The following MYH14 variants were observed in gnomAD, a reference collection of about 807,000 sequenced individuals.
MYH14 encodes the protein myosin-14.
In MYH14, 123 loss-of-function variants were observed where a neutral mutation model predicts 255.5. That is an observed-to-expected ratio of 0.48 (90% confidence interval 0.42 to 0.56). MYH14 has a LOEUF of 0.56. MYH14 is among the 20% of genes least tolerant of loss of function. MYH14 has a pLI of 0.00. For missense variants in MYH14, 2,423 were observed against 2,802.3 expected (o/e 0.86, Z 3.06); for synonymous variants, 1,095 against 1,161.2 (o/e 0.94, Z 1.16).
chr19:50,295,725 G>A lies in MYH14; in HGVS notation c.5469+2038G>A, dbSNP rs1029353526. On this transcript the variant is annotated intron_variant, in intron 39 of 42. Coordinates refer to ENST00000642316, the MANE Select transcript of MYH14 (RefSeq NM_001145809.2). The stretch of plus-strand genomic sequence containing the variant: ...AGGATCACCTGAGCCCAGGGAGGTC[G>A]AAGCTGCAGTGAGCCATGATTGCAC... Among the ~76,000 whole-genome samples the A allele has an allele frequency of 3.3e-5, 5 of 151,110 alleles. No individual in the cohort carries two copies. In the South Asian group the frequency reaches 6.3e-4, roughly 19 times the overall value.
At chr19:50,262,537 C>CAA (rs57145637) in intron 21 of MYH14, among the ~76,000 whole-genome samples, 155 of 113,610 alleles carry the variant, frequency 1.4e-3, no homozygotes, top group Non-Finnish European at 2.2e-3. Flanking sequence ...GACTCTGTAT[C>CAA]AAAAAAAAAA....
intron 1 of MYH14, among the ~76,000 whole-genome samples, chr19:50,204,539 C>T (rs2031624670): frequency 6.6e-6 from 1 of 152,182 alleles, no homozygotes; most frequent in Admixed American, 6.5e-5. Context: ...TTTGACCCTT[C>T]CTGCCTCAGT....
chr19:50,272,494 C>G, intron 26 of MYH14, 66 bp from the exon 27 acceptor site: 1 of 1,523,364 alleles, frequency 6.6e-7, no homozygotes, highest in Non-Finnish European at 8.9e-7. Context: ...GACCTGTGGT[C>G]TCTGTGAGAG....
At chr19:50,210,799 G>A in intron 2 of MYH14, 29 bp downstream of exon 2, 8 of 1,534,990 alleles carry the variant, frequency 5.2e-6, no homozygotes, top group Non-Finnish European at 7.0e-6. Flanking sequence ...GGGGGCGCGT[G>A]CGGCGGAGTT....
chr19:50,225,644 C>T lies in MYH14; in HGVS notation c.777C>T (p.Ala259=). 1 of 1,613,922 alleles carries T rather than the reference C, an allele frequency of 6.2e-7. No homozygotes were observed. Among genetic ancestry groups the T allele is most frequent in the South Asian group, 1.1e-5 (1 of 91,040 alleles). The change falls in exon 7 of 43, where the codon GCC becomes GCT. Residue 259 remains alanine, a synonymous_variant. Coordinates refer to ENST00000642316, the MANE Select transcript of MYH14 (RefSeq NM_001145809.2). ...ANPILEAFGN[A]KTVKNDNSSR... is the part of the protein sequence containing the mutation. ...CCATCCTAGAGGCCTTTGGCAATGC[C>T]AAGACAGTGAAGAATGACAACTCCT...
Position 50,210,464 on chromosome 19 carries a change from G to C in MYH14, c.99G>C (p.Gly33=). The change falls in exon 2 of 43, where the codon GGG becomes GGC. Residue 33 remains glycine, a synonymous_variant. Coordinates refer to ENST00000642316, the MANE Select transcript of MYH14 (RefSeq NM_001145809.2). ...AGCCGTTCCTGTTCACGCCCCGCGG[G>C]CCCAGCGCGGGTGGCGGGCCTGGCT... The part of the protein sequence containing the change: ...AAQPFLFTPR[G]PSAGGGPGSG... 6.5e-7 allele frequency: 1 copy of C among 1,548,166 alleles called. No homozygotes were observed. The highest frequency in any genetic ancestry group is 8.7e-7 in the Non-Finnish European group (1 of 1,147,240).
Position 50,292,406 on chromosome 19 carries a change from C to T in MYH14, c.5256+17C>T, listed in dbSNP as rs1426486755. ...CTGCAGGAGGTGAGGCTGGGGTAGG[C>T]TGGGCCCTGGGACAGGAAGCTGGGA... On this transcript the variant is annotated intron_variant, in intron 37 of 42. Transcript: ENST00000642316. 6.4e-7 allele frequency: 1 copy of T among 1,553,318 alleles called. No homozygotes were observed. Among genetic ancestry groups the T allele is most frequent in the Non-Finnish European group, 8.7e-7 (1 of 1,151,194 alleles).
In MYH14 at chr19:50,299,037, G is replaced by A. The variant is rs149461308; in HGVS notation, c.5470-2624G>A. ...GCCCAGGAGTTTGATGCTGCAGTGAGCTATGATTGTGCCACTGCACTCCAG... is the reference window on the plus strand; with the variant it reads ...GCCCAGGAGTTTGATGCTGCAGTGAACTATGATTGTGCCACTGCACTCCAG... On this transcript the variant is annotated intron_variant, in intron 39 of 42. Transcript: ENST00000642316. 8.2e-3 allele frequency among the ~76,000 whole-genome samples: 1,247 copies of A among 152,150 alleles called. 15 individuals carry two copies. The highest frequency in any genetic ancestry group is 0.027 in the African/African-American group (1,121 of 41,530).
At chr19:50,261,730 G>T in intron 21 of MYH14, 95 bp downstream of exon 21, 1 of 1,257,180 alleles carries the variant, frequency 8.0e-7, no homozygotes, top group East Asian at 2.8e-5. Context: ...CCTCCAGGAT[G>T]GGTGCAGGGC....
At chr19:50,215,932 T>C (rs2032450630) in intron 2 of MYH14, among the ~76,000 whole-genome samples, 1 of 152,260 alleles carries the variant, frequency 6.6e-6, no homozygotes. Flanking sequence ...AAAACACATC[T>C]GAATTTGAAT....
At chr19:50,241,371 G>T (rs970269152) in intron 10 of MYH14, among the ~76,000 whole-genome samples, 1 of 152,050 alleles carries the variant, frequency 6.6e-6, no homozygotes, top group Non-Finnish European at 1.5e-5. Context: ...GGAGGCAGAG[G>T]TTGAAGTGAG....
chr19:50,260,674 C>T lies in MYH14; in HGVS notation c.2383C>T (p.Pro795Ser). Residue 795 changes from proline to serine, a missense_variant, in exon 20 of 43, where the codon CCC becomes TCC. Coordinates refer to ENST00000642316, the MANE Select transcript of MYH14 (RefSeq NM_001145809.2). The part of the protein sequence containing the change: ...RYEILTPNAI[P>S]KGFMDGKQAC... ...CGAGATCCTGACACCCAATGCCATC[C>T]CCAAGGGCTTCATGGATGGGAAGCA... 1 of 1,613,464 alleles carries T rather than the reference C, an allele frequency of 6.2e-7. No homozygotes were observed. Among genetic ancestry groups the T allele is most frequent in the Non-Finnish European group, 8.5e-7 (1 of 1,179,734 alleles).
At chr19:50,255,162 C>A in intron 16 of MYH14, 58 bp from the exon 17 acceptor site, 1 of 1,126,562 alleles carries the variant, frequency 8.9e-7, no homozygotes, top group Non-Finnish European at 1.3e-6. Flanking sequence ...GCATCTCTCT[C>A]CGCCATCTCT....
rs75122225 is a variant in MYH14 at position 50,259,395 on chromosome 19, C to T, written c.2354+130C>T. 7.4e-3 allele frequency: 9,239 copies of T among 1,242,762 alleles called. 91 individuals carry two copies. The highest frequency in any genetic ancestry group is 0.035 in the East Asian group (1,366 of 39,168). 77.0% of individuals were successfully genotyped at this position (1,242,762 alleles called of 1,614,324 possible). Reference sequence around the variant, plus strand: ...GCGCTGGGGAAGTTGAGGCAGATTACTCACTTTGCTGAGCCTCAGTTTACT... The same window carrying T: ...GCGCTGGGGAAGTTGAGGCAGATTATTCACTTTGCTGAGCCTCAGTTTACT... On this transcript the variant is annotated intron_variant, in intron 19 of 42. Transcript: ENST00000642316.
rs761338669 is a variant in MYH14, at chr19:50,261,490, C to G, written c.2440C>G (p.Leu814Val). 1 of 1,478,652 alleles carries G rather than the reference C, an allele frequency of 6.8e-7. No individual in the cohort carries two copies. The highest frequency in any genetic ancestry group is 8.9e-7 in the Non-Finnish European group (1 of 1,117,758). The allele number at this position is 1,478,652 out of a possible 1,614,324, so 91.6% of individuals were successfully genotyped here. The part of the protein sequence containing the change: ...ACEKMIQALE[L>V]DPNLYRVGQS... ...CCCCTCACAGATCCAGGCGCTGGAA[C>G]TGGACCCCAACCTCTACCGCGTGGG... The change falls in exon 21 of 43, where the codon CTG becomes GTG. Residue 814 changes from leucine to valine, a missense_variant. Physicochemically the swap from Leu to Val is conservative, Grantham distance 32. Coordinates refer to ENST00000642316, the MANE Select transcript of MYH14 (RefSeq NM_001145809.2).
Position 50,258,741 on chromosome 19 carries a change from A to AAAAAC in MYH14, c.2233-400_2233-399insACAAA, listed in dbSNP as rs761216499. 6.1e-3 allele frequency: 883 copies of AAAAAC among 145,450 alleles called. 22 individuals carry two copies. Among genetic ancestry groups the AAAAAC allele is most frequent in the African/African-American group, 9.9e-3 (348 of 35,278 alleles). 9.0% of individuals were successfully genotyped at this position (145,450 alleles called of 1,614,324 possible). On this transcript the variant is annotated intron_variant, in intron 18 of 42. Coordinates refer to ENST00000642316, the MANE Select transcript of MYH14 (RefSeq NM_001145809.2). ...TGTCTCAAAAAAAAAAAAAAAAAAA[A>AAAAAC]AAACGAACAAACAAACAAACAAAAA... is the stretch of plus-strand genomic sequence containing the variant.
chr19:50,238,647 T>A (rs1324492690), intron 10 of MYH14, among the ~76,000 whole-genome samples: 2 of 152,088 alleles, frequency 1.3e-5, no homozygotes, highest in South Asian at 2.1e-4. Flanking sequence ...GAGTCGGGGT[T>A]CACCATGTTG....
chr19:50,209,627 A>G (rs2032038313), intron 1 of MYH14, among the ~76,000 whole-genome samples: 1 of 151,812 alleles, frequency 6.6e-6, no homozygotes, highest in African/African-American at 2.4e-5. Flanking sequence ...TACTAAAAAT[A>G]GAAAACAATA....
At chr19:50,284,092 C>CAAA (rs58340482) in intron 33 of MYH14, among the ~76,000 whole-genome samples, 1 of 143,728 alleles carries the variant, frequency 7.0e-6, no homozygotes, top group Non-Finnish European at 1.5e-5. Flanking sequence ...AAACAAAAAA[C>CAAA]AAAAAAAAAA....
Sources: allele counts gnomAD v4.1 joint callset (sites outside exome capture counted in the v4.1 genomes callset), GRCh38; gene constraint gnomAD v4.1.1; transcripts MANE v1.5; gene names NCBI Gene and HGNC (gene_info 2026-07-23, HGNC 2026-07-21).